PRKACB: variants seen among roughly 807,000 people sequenced by gnomAD.
PRKACB encodes the protein cAMP-dependent protein kinase catalytic subunit beta.
A neutral mutation model predicts 51.4 loss-of-function variants in PRKACB; 16 were observed. The observed-to-expected ratio is 0.31, with a 90% CI of 0.21 to 0.47. The LOEUF is 0.47. Ranked by LOEUF, PRKACB falls within the 20% of genes least tolerant of loss-of-function variation. PRKACB has a pLI of 1.00. For missense variants in PRKACB, 309 were observed against 464.5 expected (o/e 0.67, Z 3.08); for synonymous variants, 147 against 154.4 (o/e 0.95, Z 0.35).
intron 1 of PRKACB, among the ~76,000 whole-genome samples, chr1:84,097,809 A>G (rs1649040386): frequency 1.3e-5 from 2 of 151,966 alleles, no homozygotes; most frequent in African/African-American, 2.4e-5. Flanking sequence ...CAAAAACAAA[A>G]CGTGCGAATT....
intron 8 of PRKACB, among the ~76,000 whole-genome samples, chr1:84,213,524 T>A (rs1490832797): frequency 1.3e-5 from 2 of 152,204 alleles, no homozygotes; most frequent in African/African-American, 4.8e-5. Flanking sequence ...AGTCTAGTAA[T>A]TGTAAAGTCT....
intron 1 of PRKACB, among the ~76,000 whole-genome samples, chr1:84,134,435 A>G (rs996180062): frequency 6.6e-6 from 1 of 152,190 alleles, no homozygotes; most frequent in Non-Finnish European, 1.5e-5. Context: ...AATGACTGCA[A>G]TGTTAAAAGA....
chr1:84,201,639 T>C (rs944357112), intron 7 of PRKACB, among the ~76,000 whole-genome samples: 17 of 152,216 alleles, frequency 1.1e-4, no homozygotes, highest in Middle Eastern at 3.4e-3. Context: ...ATATTTTTGC[T>C]AGAATTTTGA....
intron 8 of PRKACB, among the ~76,000 whole-genome samples, chr1:84,207,646 G>C (rs554673837): frequency 7.2e-5 from 11 of 152,104 alleles, no homozygotes; most frequent in African/African-American, 2.7e-4. Flanking sequence ...TTGCTTCTTG[G>C]CTGTATATAA....
Position 84,187,663 on chromosome 1 carries a change from C to A in PRKACB, c.560+2481C>A, listed in dbSNP as rs548684836. Among the ~76,000 whole-genome samples, 13 of 152,188 alleles carry A rather than the reference C, an allele frequency of 8.5e-5. No homozygotes were observed. The East Asian group carries it at 2.1e-3, about 25-fold the overall frequency. Reference sequence around the variant, plus strand: ...TGGAGGAACCTAGAAGAATTTAGGACCTTGTCTAGTCTATAGGTAGATAAC... The same window carrying A: ...TGGAGGAACCTAGAAGAATTTAGGAACTTGTCTAGTCTATAGGTAGATAAC... On this transcript the variant is annotated intron_variant, in intron 5 of 9. Coordinates refer to ENST00000370685, the MANE Select transcript of PRKACB (RefSeq NM_182948.4).
At chr1:84,098,531 G>A (rs1360187565) in intron 1 of PRKACB, among the ~76,000 whole-genome samples, 2 of 152,024 alleles carry the variant, frequency 1.3e-5, no homozygotes, top group African/African-American at 4.8e-5. Flanking sequence ...AAGAATTATG[G>A]GAAAAGTGTT....
chr1:84,182,767 A>C (rs1663921333), intron 3 of PRKACB, among the ~76,000 whole-genome samples: 1 of 124,488 alleles, frequency 8.0e-6, no homozygotes, highest in South Asian at 2.4e-4. Context: ...TATATAAGGG[A>C]CTTGAGCACC....
intron 8 of PRKACB, among the ~76,000 whole-genome samples, chr1:84,203,245 C>A (rs766629592): frequency 5.9e-5 from 9 of 151,794 alleles, no homozygotes; most frequent in Non-Finnish European, 1.0e-4. Context: ...AATGAATAAG[C>A]CTTTTTCAGA....
upstream of PRKACB, among the ~76,000 whole-genome samples, chr1:84,143,367 G>A (rs1019494618): frequency 2.0e-5 from 3 of 152,090 alleles, no homozygotes; most frequent in Non-Finnish European, 2.9e-5. Flanking sequence ...GGCGAGAATC[G>A]CTTGAACCTA....
Position 84,196,759 on chromosome 1 carries a change from T to G in PRKACB, c.687+17T>G. ...TATATCCAGGTATGACTTTAACACA[T>G]TATGTGTACTGTATATGAGAAAATA... is the stretch of plus-strand genomic sequence containing the variant. On this transcript the variant is annotated intron_variant, in intron 6 of 9. Coordinates refer to ENST00000370685, the MANE Select transcript of PRKACB (RefSeq NM_182948.4). 6.2e-7 allele frequency: 1 copy of G among 1,607,948 alleles called. No homozygotes were observed. Among genetic ancestry groups the G allele is most frequent in the South Asian group, 1.1e-5 (1 of 90,670 alleles).
At chr1:84,197,916 C>A in intron 7 of PRKACB, 92 bp downstream of exon 7, 1 of 863,066 alleles carries the variant, frequency 1.2e-6, no homozygotes, top group Non-Finnish European at 1.8e-6. Flanking sequence ...TCTAATTTTA[C>A]ATTTTTAATT....
At chr1:84,195,378 A>ATTTGTATT (rs1667926080) in intron 5 of PRKACB, among the ~76,000 whole-genome samples, 1 of 152,216 alleles carries the variant, frequency 6.6e-6, no homozygotes, top group Admixed American at 6.5e-5. Flanking sequence ...TTTTGTTGGA[A>ATTTGTATT]TTTGTATTTC....
chr1:84,137,386 G>A (rs1652935286), intron 1 of PRKACB, among the ~76,000 whole-genome samples: 1 of 152,158 alleles, frequency 6.6e-6, no homozygotes, highest in African/African-American at 2.4e-5. Context: ...TAGGTGCCAA[G>A]GTTCAGGGAA....
chr1:84,206,693 A>G (rs1240969008), intron 8 of PRKACB, among the ~76,000 whole-genome samples: 1 of 152,194 alleles, frequency 6.6e-6, no homozygotes, highest in Non-Finnish European at 1.5e-5. Context: ...CCAAAATCCC[A>G]GCCTCCCAGA....
intron 1 of PRKACB, among the ~76,000 whole-genome samples, chr1:84,129,267 T>G (rs528127897): frequency 1.3e-5 from 2 of 152,240 alleles, no homozygotes; most frequent in South Asian, 4.1e-4. Context: ...TATATTACTA[T>G]TATAATTTTA....
At chr1:84,108,774 A>G (rs1649986073) in intron 1 of PRKACB, among the ~76,000 whole-genome samples, 1 of 151,928 alleles carries the variant, frequency 6.6e-6, no homozygotes, top group Non-Finnish European at 1.5e-5. Flanking sequence ...TGCTATCCAT[A>G]TTATATATTC....
At chr1:84,227,459 A>T (rs76474872) in intron 9 of PRKACB, among the ~76,000 whole-genome samples, 3,881 of 152,226 alleles carry the variant, frequency 0.025, 172 homozygotes, top group African/African-American at 0.088. Flanking sequence ...CTAAAGATTT[A>T]TGGTGTATTT....
At chr1:84,160,632 A>C (rs1656065643) in intron 1 of PRKACB, among the ~76,000 whole-genome samples, 1 of 149,438 alleles carries the variant, frequency 6.7e-6, no homozygotes, top group Non-Finnish European at 1.5e-5. Flanking sequence ...ATTTTACTCT[A>C]AATGGTTAAA....
intron 1 of PRKACB, among the ~76,000 whole-genome samples, chr1:84,122,347 G>A (rs927616512): frequency 1.4e-4 from 21 of 152,256 alleles, no homozygotes; most frequent in African/African-American, 4.8e-4. Flanking sequence ...TTGGCCTTCA[G>A]TTTTCTCTTT....
Sources: allele counts gnomAD v4.1 joint callset (sites outside exome capture counted in the v4.1 genomes callset), GRCh38; gene constraint gnomAD v4.1.1; transcripts MANE v1.5; gene names NCBI Gene and HGNC (gene_info 2026-07-23, HGNC 2026-07-21).